The following AGBL4 variants were observed in gnomAD, a reference collection of about 807,000 sequenced individuals.
The protein encoded by AGBL4 is AGBL carboxypeptidase 4, also known as cytosolic carboxypeptidase 6.
Under a neutral mutation model 66.4 loss-of-function variants are expected in AGBL4, and 58 were observed. The ratio of observed to expected loss-of-function variants is 0.87; its 90% CI spans 0.71 to 1.09. The LOEUF (loss-of-function observed/expected upper bound fraction) is 1.09. Among genes scored for constraint, AGBL4 ranks in the 50% least tolerant of loss-of-function variants. The probability of loss-of-function intolerance (pLI) is 0.00; values close to 1 mark genes in which losing one functional copy is unlikely to be tolerated. For missense variants in AGBL4, 579 were observed against 631.0 expected, an observed-to-expected ratio of 0.92 and a Z score of 0.88; for synonymous variants, 234 against 222.9, an observed-to-expected ratio of 1.05 and a Z score of -0.44.
intron 5 of AGBL4, among the ~76,000 whole-genome samples, chr1:48,966,411 T>C (rs772798258): frequency 2.7e-4 from 41 of 152,114 alleles, no homozygotes; most frequent in Non-Finnish European, 4.6e-4. Flanking sequence ...AGACAGACTA[T>C]TGCTCAATAA....
At chr1:49,378,505 G>A (rs865880115) in intron 3 of AGBL4, among the ~76,000 whole-genome samples, 5 of 152,070 alleles carry the variant, frequency 3.3e-5, no homozygotes, top group African/African-American at 9.7e-5. Flanking sequence ...ATGAGAGAGA[G>A]AACCCTGGTG....
At chr1:49,834,557 T>A (rs1645793691) in intron 2 of AGBL4, among the ~76,000 whole-genome samples, 1 of 152,104 alleles carries the variant, frequency 6.6e-6, no homozygotes, top group African/African-American at 2.4e-5. Context: ...TGAAGGGTTT[T>A]TTGTGTCTTG....
At position 49,088,356 on chromosome 1, in the gene AGBL4, A is replaced by G. The variant is rs181465491; in HGVS notation, c.378-42556T>C. Among the ~76,000 whole-genome samples, 8 of 152,276 alleles carry G rather than the reference A, an allele frequency of 5.3e-5. No individual in the cohort carries two copies. In the East Asian group the frequency reaches 1.5e-3, roughly 29 times the overall value. On this transcript the variant is annotated intron_variant, in intron 4 of 13. Transcript: ENST00000371839. ...CAAAACAAAACAAAAAACCTATCTCATATGCAATAACACCCATAGCCTAAA... is the reference window on the plus strand; with the variant it reads ...CAAAACAAAACAAAAAACCTATCTCGTATGCAATAACACCCATAGCCTAAA...
At chr1:49,413,032 C>T (rs1456431147) in intron 3 of AGBL4, among the ~76,000 whole-genome samples, 1 of 152,122 alleles carries the variant, frequency 6.6e-6, no homozygotes, top group East Asian at 1.9e-4. Context: ...AATGGTGGAA[C>T]TTGATACCAG....
chr1:49,366,939 A>C lies in AGBL4; in HGVS notation c.283-121075T>G, dbSNP rs1644251911. 2.6e-5 allele frequency among the ~76,000 whole-genome samples: 4 copies of C among 152,162 alleles called. No homozygotes were observed. The East Asian group carries it at 7.7e-4, about 29-fold the overall frequency. ...CAGGAGGCTCTGAGAGAAAACTGAC[A>C]TTCTACTTGGAATGGCAGAGGCAAG... On this transcript the variant is annotated intron_variant, in intron 3 of 13. Coordinates refer to ENST00000371839, the MANE Select transcript of AGBL4 (RefSeq NM_032785.4).
At chr1:48,818,383 G>A (rs975275084) in intron 6 of AGBL4, among the ~76,000 whole-genome samples, 1 of 152,162 alleles carries the variant, frequency 6.6e-6, no homozygotes, top group Non-Finnish European at 1.5e-5. Flanking sequence ...GACTCTTAGG[G>A]CACTGATGTC....
chr1:49,122,278 C>T (rs1395120724), intron 4 of AGBL4, among the ~76,000 whole-genome samples: 5 of 152,224 alleles, frequency 3.3e-5, no homozygotes, highest in African/African-American at 7.2e-5. Context: ...GCAGAAATCA[C>T]CAGTTTTCTG....
rs1371296084 is a variant in AGBL4 at position 49,260,489 on chromosome 1, C to T, written c.283-14625G>A. 2.6e-5 allele frequency among the ~76,000 whole-genome samples: 4 copies of T among 152,100 alleles called. No homozygotes were observed. In the East Asian group the frequency reaches 5.8e-4, roughly 22 times the overall value. ...GATAAAGGGGATATCACCACCGATC[C>T]CACAAAAATACAAACTACCATCAGA... On this transcript the variant is annotated intron_variant, in intron 3 of 13. Transcript: ENST00000371839.
At chr1:48,614,331 T>G (rs1264434817) in intron 9 of AGBL4, among the ~76,000 whole-genome samples, 1 of 152,222 alleles carries the variant, frequency 6.6e-6, no homozygotes, top group Admixed American at 6.5e-5. Context: ...CCTTCTAGCA[T>G]AAGTTTTCTC....
chr1:49,497,968 A>G (rs1418820177), intron 3 of AGBL4, among the ~76,000 whole-genome samples: 1 of 152,024 alleles, frequency 6.6e-6, no homozygotes, highest in Non-Finnish European at 1.5e-5. Flanking sequence ...CTGGGGTAAT[A>G]TGGACATTTT....
chr1:48,684,054 G>A (rs1646494280), intron 6 of AGBL4, among the ~76,000 whole-genome samples: 1 of 152,204 alleles, frequency 6.6e-6, no homozygotes, highest in Non-Finnish European at 1.5e-5. Context: ...CTAGGCCACT[G>A]CGTATACAGT....
chr1:48,526,591 G>C, the AGBL4 span, among the ~76,000 whole-genome samples: 1 of 152,128 alleles, frequency 6.6e-6, no homozygotes, highest in African/African-American at 2.4e-5. Flanking sequence ...TAGCAGCAGC[G>C]GTAGTAGCAT....
At chr1:49,785,438 G>A (rs941092173) in intron 2 of AGBL4, among the ~76,000 whole-genome samples, 30 of 151,884 alleles carry the variant, frequency 2.0e-4, no homozygotes, top group African/African-American at 7.2e-4. Flanking sequence ...TACCCCATAA[G>A]TATATATTAC....
At position 48,682,410 on chromosome 1, in the gene AGBL4, C is replaced by CTT. The variant is rs529391743; in HGVS notation, c.635-19171_635-19170dup. Among the ~76,000 whole-genome samples the CTT allele has an allele frequency of 3.2e-4, 45 of 140,658 alleles. No individual in the cohort carries two copies. The South Asian group carries it at 7.6e-3, about 24-fold the overall frequency. 92.3% of individuals were successfully genotyped at this position (140,658 alleles called of 152,430 possible). On this transcript the variant is annotated intron_variant, in intron 6 of 13. Coordinates refer to ENST00000371839, the MANE Select transcript of AGBL4 (RefSeq NM_032785.4). Reference sequence around the variant, plus strand: ...TTGCTTACAGGTTAACAGCACATCTCTTTTTTTTTTTTTTTTGAGACAGGG... The same window carrying CTT: ...TTGCTTACAGGTTAACAGCACATCTCTTTTTTTTTTTTTTTTTTGAGACAGGG...
At chr1:48,905,350 ATGTT>A (rs1652486806) in intron 5 of AGBL4, among the ~76,000 whole-genome samples, 1 of 152,254 alleles carries the variant, frequency 6.6e-6, no homozygotes, top group South Asian at 2.1e-4. Context: ...TATTGCAACA[ATGTT>A]TGGTAACAAA....
intron 3 of AGBL4, among the ~76,000 whole-genome samples, chr1:49,421,917 T>C (rs1195050385): frequency 6.6e-6 from 1 of 152,144 alleles, no homozygotes; most frequent in Non-Finnish European, 1.5e-5. Flanking sequence ...TCTATCGATA[T>C]AGATTCCACA....
At chr1:48,570,713 T>C (rs1644548406) in intron 11 of AGBL4, among the ~76,000 whole-genome samples, 1 of 152,194 alleles carries the variant, frequency 6.6e-6, no homozygotes, top group African/African-American at 2.4e-5. Flanking sequence ...GCCTTCCTCA[T>C]GCTGTAAATG....
chr1:49,601,757 A>G (rs1021184997), intron 3 of AGBL4, among the ~76,000 whole-genome samples: 32 of 152,340 alleles, frequency 2.1e-4, no homozygotes, highest in African/African-American at 7.0e-4. Context: ...ACCTTAGAAG[A>G]AAACGTAGGC....
intron 3 of AGBL4, among the ~76,000 whole-genome samples, chr1:49,371,991 G>T (rs995427584): frequency 6.6e-6 from 1 of 151,706 alleles, no homozygotes; most frequent in Non-Finnish European, 1.5e-5. Context: ...ATATACTGGA[G>T]GATAATGAAA....
Sources: allele counts gnomAD v4.1 joint callset (sites outside exome capture counted in the v4.1 genomes callset), GRCh38; gene constraint gnomAD v4.1.1; transcripts MANE v1.5; gene names NCBI Gene and HGNC (gene_info 2026-07-23, HGNC 2026-07-21).